DAPK1: variants seen among roughly 807,000 people sequenced by gnomAD.
DAPK1 encodes death associated protein kinase 1.
DAPK1 carries 56 observed loss-of-function variants against 144.9 expected under a neutral mutation model. The ratio of observed to expected loss-of-function variants is 0.39; its 90% CI spans 0.31 to 0.48. DAPK1 has a LOEUF of 0.48. Among genes scored for constraint, DAPK1 ranks in the 20% least tolerant of loss-of-function variants. The probability of loss-of-function intolerance (pLI) is 0.95; values close to 1 mark genes in which losing one functional copy is unlikely to be tolerated. For missense variants in DAPK1, 1,454 were observed against 1,875.4 expected, an observed-to-expected ratio of 0.78 and a Z score of 4.15; for synonymous variants, 690 against 749.0, an observed-to-expected ratio of 0.92 and a Z score of 1.29.
At chr9:87,498,705 G>A in intron 1 of DAPK1, 1 of 414,078 alleles carries the variant, frequency 2.4e-6, no homozygotes, top group East Asian at 3.4e-5. Flanking sequence ...TCCGGAGCCG[G>A]TTCTGATCCC....
intron 2 of DAPK1, among the ~76,000 whole-genome samples, chr9:87,568,850 G>A (rs899352714): frequency 1.3e-5 from 2 of 152,194 alleles, no homozygotes; most frequent in Admixed American, 1.3e-4. Flanking sequence ...GGGTGGGAAA[G>A]GGGAGCTCTC....
At chr9:87,666,766 G>A (rs1029376064) in intron 18 of DAPK1, among the ~76,000 whole-genome samples, 1 of 152,124 alleles carries the variant, frequency 6.6e-6, no homozygotes, top group Non-Finnish European at 1.5e-5. Context: ...GAGCCACCAT[G>A]CCTGGCTGTG....
chr9:87,603,844 A>G (rs1056798334), intron 2 of DAPK1, among the ~76,000 whole-genome samples: 1 of 151,998 alleles, frequency 6.6e-6, no homozygotes, highest in Non-Finnish European at 1.5e-5. Flanking sequence ...CTTACTGCCT[A>G]CCCCTTATTA....
chr9:87,618,865 A>G (rs957711865), intron 3 of DAPK1, among the ~76,000 whole-genome samples: 1 of 152,132 alleles, frequency 6.6e-6, no homozygotes, highest in Non-Finnish European at 1.5e-5. Flanking sequence ...AAATACTAAA[A>G]CCCAGTGAGT....
chr9:87,690,179 T>C (rs1245875754), intron 21 of DAPK1, among the ~76,000 whole-genome samples: 2 of 152,164 alleles, frequency 1.3e-5, no homozygotes, highest in African/African-American at 4.8e-5. Flanking sequence ...TCAGTGTCTT[T>C]CGTCTGTGTT....
chr9:87,507,335 C>T (rs1824642329), intron 2 of DAPK1, among the ~76,000 whole-genome samples: 1 of 152,154 alleles, frequency 6.6e-6, no homozygotes, highest in Non-Finnish European at 1.5e-5. Context: ...GCCTCAGCCT[C>T]CCAAGTAGCT....
Position 87,614,357 on chromosome 9 carries a change from C to T in DAPK1, c.284+9182C>T, listed in dbSNP as rs76057002. Among the ~76,000 whole-genome samples, 1,003 of 152,260 alleles carry T rather than the reference C, an allele frequency of 6.6e-3. 11 individuals are homozygous for T. Among genetic ancestry groups the T allele is most frequent in the African/African-American group, 0.023 (966 of 41,546 alleles). ...ATGTTCTCCATGCTGAATACATGAGCTATAAGTAATATTTGGAATCTCTGT... is the reference window on the plus strand; with the variant it reads ...ATGTTCTCCATGCTGAATACATGAGTTATAAGTAATATTTGGAATCTCTGT... On this transcript the variant is annotated intron_variant, in intron 3 of 25. Coordinates refer to ENST00000408954, the MANE Select transcript of DAPK1 (RefSeq NM_004938.4).
chr9:87,670,679 C>T (rs572626979), intron 19 of DAPK1, among the ~76,000 whole-genome samples: 1 of 152,316 alleles, frequency 6.6e-6, no homozygotes, highest in African/African-American at 2.4e-5. Context: ...AGCGCCAGCA[C>T]TTCCACCACT....
rs1420530493 is a variant in DAPK1, at chr9:87,706,418, G to A, written c.3347G>A (p.Trp1116Ter). The part of the protein sequence containing the change: ...LIKTDNLHRS[W>*]ADEEDEVMVY... ...AAGACAGACAACCTGCACCGCTCCT[G>A]GGCTGATGAGGAGGACGAGGTGATG... Residue 1116 changes from tryptophan (W) to a stop codon, truncating the protein, a stop_gained, in exon 26 of 26, where the codon TGG (tryptophan) becomes TAG (stop). Coordinates refer to ENST00000408954, the MANE Select transcript of DAPK1 (RefSeq NM_004938.4). LOFTEE classifies it high-confidence loss of function. This position sits in a 1 kb window ranked among gnomAD's most constrained non-coding sequence, Gnocchi z 9.0. 6.2e-7 allele frequency: 1 copy of A among 1,613,390 alleles called. No individual in the cohort carries two copies. Among genetic ancestry groups the A allele is most frequent in the Admixed American group, 1.7e-5 (1 of 59,952 alleles).
chr9:87,623,891 C>G (rs1829398168), intron 3 of DAPK1, among the ~76,000 whole-genome samples: 1 of 152,060 alleles, frequency 6.6e-6, no homozygotes, highest in Non-Finnish European at 1.5e-5. Flanking sequence ...TGTTCCTGGA[C>G]TGGGAGGGGA....
chr9:87,659,799 GC>G (rs749748855), intron 18 of DAPK1, among the ~76,000 whole-genome samples: 1 of 148,632 alleles, frequency 6.7e-6, no homozygotes, highest in South Asian at 2.1e-4. Context: ...TCATTCTGCA[GC>G]CCCCTCAGTC....
intron 2 of DAPK1, among the ~76,000 whole-genome samples, chr9:87,584,385 G>C (rs191549474): frequency 3.3e-5 from 5 of 151,992 alleles, no homozygotes; most frequent in Non-Finnish European, 7.4e-5. Context: ...CCATATCTTG[G>C]CTGTTGTGAA....
At chr9:87,704,447 C>T (rs1297047110) in intron 25 of DAPK1, among the ~76,000 whole-genome samples, 9 of 152,196 alleles carry the variant, frequency 5.9e-5, no homozygotes. Context: ...GCAGGAACTA[C>T]ATTGTGTGGC....
At chr9:87,704,603 TCTC>T (rs1420645699) in intron 25 of DAPK1, among the ~76,000 whole-genome samples, 2 of 152,176 alleles carry the variant, frequency 1.3e-5, no homozygotes, top group African/African-American at 4.8e-5. Flanking sequence ...AGCTCCCTGT[TCTC>T]CTCCACTATG....
chr9:87,581,627 C>T (rs922288885), intron 2 of DAPK1, among the ~76,000 whole-genome samples: 2 of 152,190 alleles, frequency 1.3e-5, no homozygotes, highest in African/African-American at 4.8e-5. Context: ...TTCTTCCCCC[C>T]TAACTACCCT....
intron 2 of DAPK1, among the ~76,000 whole-genome samples, chr9:87,540,183 CTTTTTTTTTT>C (rs33925780): frequency 7.6e-5 from 5 of 66,188 alleles, no homozygotes; most frequent in Non-Finnish European, 8.3e-5. Flanking sequence ...TTGTTAATCT[CTTTTTTTTTT>C]TTTTTTTTTT....
intron 11 of DAPK1, 110 bp from the exon 12 acceptor site, chr9:87,645,785 C>T (rs2119157485): frequency 1.4e-6 from 2 of 1,419,726 alleles, no homozygotes; most frequent in Admixed American, 4.1e-5. Context: ...AAATGGCTTA[C>T]TTTCCTCTGA....
chr9:87,687,543 G>C (rs1161616302), intron 21 of DAPK1, among the ~76,000 whole-genome samples: 1 of 152,048 alleles, frequency 6.6e-6, no homozygotes, highest in East Asian at 1.9e-4. Context: ...TTTGTTCCTT[G>C]ATGGACACTT....
chr9:87,525,381 A>G, intron 2 of DAPK1: 3 of 1,611,528 alleles, frequency 1.9e-6, no homozygotes, highest in Non-Finnish European at 2.5e-6. Context: ...TGTTCAAACA[A>G]CCGGCACGGT....
Sources: gnomAD v4.1 joint callset for allele counts (sites outside exome capture counted in the v4.1 genomes callset) on GRCh38, gnomAD v4.1.1 for gene constraint, Gnocchi (gnomAD v3.1) non-coding constraint, MANE v1.5 for transcripts, NCBI Gene and HGNC (gene_info 2026-07-23, HGNC 2026-07-21) for gene names.